Variants in ABCA1 observed in about 807,000 individuals in gnomAD.
The protein encoded by ABCA1 is phospholipid-transporting ATPase ABCA1.
ABCA1 carries 133 observed loss-of-function variants against 262.5 expected under a neutral mutation model. The observed-to-expected ratio is 0.51, with a 90% confidence interval of 0.44 to 0.59. The LOEUF is 0.59. Among genes scored for constraint, ABCA1 ranks in the 20% least tolerant of loss-of-function variants. The probability of loss-of-function intolerance (pLI) is 0.00; values close to 1 mark genes in which losing one functional copy is unlikely to be tolerated. For synonymous variants in ABCA1, 1,022 were observed against 1,043.5 expected (o/e 0.98, Z 0.40); for missense variants, 2,452 against 2,777.5 (o/e 0.88, Z 2.63).
chr9:104,853,850 T>C (rs1835598599), intron 7 of ABCA1, among the ~76,000 whole-genome samples: 1 of 152,138 alleles, frequency 6.6e-6, no homozygotes, highest in Non-Finnish European at 1.5e-5. Flanking sequence ...AACTATTCCT[T>C]CCAATCAAGA....
intron 14 of ABCA1, among the ~76,000 whole-genome samples, chr9:104,830,104 A>C (rs1027714178): frequency 8.5e-5 from 13 of 152,204 alleles, no homozygotes; most frequent in African/African-American, 3.1e-4. Context: ...AAATCATTAC[A>C]TCCAAAGGCA....
At chr9:104,924,853 T>G (rs186931768) in intron 1 of ABCA1, among the ~76,000 whole-genome samples, 10 of 152,150 alleles carry the variant, frequency 6.6e-5, no homozygotes, top group African/African-American at 2.4e-4. Flanking sequence ...AAAAAAAAAT[T>G]TAAATGGAAA....
chr9:104,883,218 A>C (rs1052130719), intron 4 of ABCA1, 61 bp from the exon 5 acceptor site: 2 of 1,411,502 alleles, frequency 1.4e-6, no homozygotes, highest in Non-Finnish European at 2.0e-6. Context: ...CTGCTGCTTT[A>C]CAGAAGTGAC....
chr9:104,918,882 A>G (rs1158830729), intron 1 of ABCA1, among the ~76,000 whole-genome samples: 1 of 152,172 alleles, frequency 6.6e-6, no homozygotes, highest in Non-Finnish European at 1.5e-5. Context: ...CCCTCCAAAG[A>G]CTTGCTTCTT....
intron 5 of ABCA1, among the ~76,000 whole-genome samples, chr9:104,862,636 G>GCCCCCCCC (rs1836532053): frequency 7.7e-4 from 1 of 1,306 alleles, no homozygotes; most frequent in Non-Finnish European, 2.1e-3. Context: ...CAGACTGCCG[G>GCCCCCCCC]GCCGGGCCGG....
intron 13 of ABCA1, 120 bp from the exon 14 acceptor site, chr9:104,831,221 CTT>C (rs745417929): frequency 3.1e-3 from 2,258 of 728,170 alleles, no homozygotes; most frequent in Middle Eastern, 3.7e-3. Flanking sequence ...ATTTTTGTAT[CTT>C]TTTTTTTTTT....
intron 1 of ABCA1, among the ~76,000 whole-genome samples, chr9:104,924,995 A>G (rs1269155785): frequency 2.0e-5 from 3 of 152,222 alleles, no homozygotes; most frequent in Non-Finnish European, 2.9e-5. Flanking sequence ...GAAGGAACCA[A>G]TCCTTGAAAA....
In ABCA1 at chr9:104,796,295, CAG is replaced by C; in HGVS notation, c.5237+12_5237+13del. The C allele has an allele frequency of 1.2e-6, 2 of 1,614,048 alleles. No individual in the cohort carries two copies. Among genetic ancestry groups the C allele is most frequent in the Non-Finnish European group, 1.7e-6 (2 of 1,179,914 alleles). Reference sequence around the variant, plus strand: ...TTATCCACTGTGCAGCTCCCTCACTCAGAGGTGACTTACCCATACAGCAAAAG... The same window carrying C: ...TTATCCACTGTGCAGCTCCCTCACTCAGGTGACTTACCCATACAGCAAAAG... On this transcript the variant is annotated intron_variant, in intron 38 of 49. Coordinates refer to ENST00000374736, the MANE Select transcript of ABCA1 (RefSeq NM_005502.4).
intron 11 of ABCA1, among the ~76,000 whole-genome samples, chr9:104,835,591 G>C (rs1833754972): frequency 6.6e-6 from 1 of 152,088 alleles, no homozygotes; most frequent in Non-Finnish European, 1.5e-5. Flanking sequence ...CACCCCATCA[G>C]AGTAACGTAT....
chr9:104,799,728 G>A (rs1440656285), intron 36 of ABCA1, 91 bp downstream of exon 36: 32 of 1,612,124 alleles, frequency 2.0e-5, no homozygotes, highest in Non-Finnish European at 2.6e-5. Flanking sequence ...CTCTGCAGCT[G>A]TTCCCCTACA....
chr9:104,810,893 G>A lies in ABCA1; in HGVS notation c.4082C>T (p.Ala1361Val), dbSNP rs771712576. 1 of 1,614,242 alleles carries A rather than the reference G, an allele frequency of 6.2e-7. No individual in the cohort carries two copies. The highest frequency in any genetic ancestry group is 8.5e-7 in the Non-Finnish European group (1 of 1,180,048). ...IVLPAVFVCI[A>V]LVFSLIVPPF... ...TGGCACGATCAGGCTGAACACAAGG[G>A]CAATGCAGACAAACACAGCTGGCAA... Residue 1361 changes from alanine to valine, a missense_variant, in exon 29 of 50, where the codon GCC becomes GTC. Physicochemically the swap from Ala to Val is moderately conservative, Grantham distance 64. Around this residue, in one of 4 missense-constraint regions of ABCA1, gnomAD observed 665 missense variants for 727.3 expected, o/e 0.91. Coordinates refer to ENST00000374736, the MANE Select transcript of ABCA1 (RefSeq NM_005502.4).
At chr9:104,864,180 T>C (rs1176213280) in intron 5 of ABCA1, among the ~76,000 whole-genome samples, 4 of 152,216 alleles carry the variant, frequency 2.6e-5, no homozygotes, top group Non-Finnish European at 1.5e-5. Flanking sequence ...AGCTGAATAC[T>C]AAACACTAGG....
At chr9:104,788,780 C>T (rs1013919479) in intron 44 of ABCA1, among the ~76,000 whole-genome samples, 7 of 152,230 alleles carry the variant, frequency 4.6e-5, no homozygotes, top group African/African-American at 1.7e-4. Flanking sequence ...CCTTGCACCT[C>T]CCTGGCTCTC....
At chr9:104,823,624 G>A (rs531528472) in intron 18 of ABCA1, among the ~76,000 whole-genome samples, 8 of 152,310 alleles carry the variant, frequency 5.3e-5, no homozygotes, top group Admixed American at 3.9e-4. Context: ...TCCGGAACTA[G>A]ATCTTGGAGA....
Position 104,809,562 on chromosome 9 carries a change from T to C in ABCA1, c.4178A>G (p.Asn1393Ser), listed in dbSNP as rs1831085489. The part of the protein sequence containing the change: ...MYNEQYTFVS[N>S]DAPEDTGTLE... ...GGTTCCCGTGTCCTCAGGAGCATCA[T>C]TGCTGTGGGTACATGAGAGGCAGCC... The change falls in exon 30 of 50, where the codon AAT becomes AGT. Residue 1393 changes from asparagine to serine, a missense_variant and splice_region_variant. Around this residue, in one of 4 missense-constraint regions of ABCA1, gnomAD observed 665 missense variants for 727.3 expected, o/e 0.91. Transcript: ENST00000374736. 1.2e-6 allele frequency: 2 copies of C among 1,614,002 alleles called. No homozygotes were observed. The highest frequency in any genetic ancestry group is 8.5e-7 in the Non-Finnish European group (1 of 1,179,856).
chr9:104,801,593 G>C (rs947812299), intron 34 of ABCA1, among the ~76,000 whole-genome samples: 1 of 152,018 alleles, frequency 6.6e-6, no homozygotes, highest in African/African-American at 2.4e-5. Flanking sequence ...CCAGGCTGGA[G>C]TGCAACGGTG....
intron 1 of ABCA1, among the ~76,000 whole-genome samples, chr9:104,925,896 T>A (rs1330226213): frequency 6.6e-6 from 1 of 152,158 alleles, no homozygotes; most frequent in African/African-American, 2.4e-5. Context: ...GCCTCCATTA[T>A]TTTTGTGGTA....
At position 104,861,808 on chromosome 9, in the gene ABCA1, G is replaced by T; in HGVS notation, c.422-8C>A. On this transcript the variant is annotated splice_region_variant and splice_polypyrimidine_tract_variant and intron_variant, in intron 5 of 49. Coordinates refer to ENST00000374736, the MANE Select transcript of ABCA1 (RefSeq NM_005502.4). ...AATCTTGAAGCTTCAAGTCTATTGA[G>T]AAATAGTGTTTTATTTTTATTTAGT... The T allele has an allele frequency of 6.2e-7, 1 of 1,603,920 alleles. No homozygotes were observed. The highest frequency in any genetic ancestry group is 1.4e-5 in the African/African-American group (1 of 73,516).
At chr9:104,857,774 T>G (rs541206657) in intron 7 of ABCA1, among the ~76,000 whole-genome samples, 2 of 152,282 alleles carry the variant, frequency 1.3e-5, no homozygotes, top group East Asian at 3.9e-4. Context: ...CTTTCCCTGG[T>G]TTTAAGAGAA....
Sources: allele counts gnomAD v4.1 joint callset (sites outside exome capture counted in the v4.1 genomes callset), GRCh38; gene constraint gnomAD v4.1.1; regional missense constraint gnomAD v4.1.1; transcripts MANE v1.5; gene names NCBI Gene and HGNC (gene_info 2026-07-23, HGNC 2026-07-21).